Variants in VSTM5 observed in about 807,000 individuals in gnomAD.
VSTM5 encodes V-set and transmembrane domain-containing protein 5.
VSTM5 carries 21 observed loss-of-function variants against 20.3 expected under a neutral mutation model. That is an observed-to-expected ratio of 1.03 (90% CI 0.73 to 1.49). The LOEUF (loss-of-function observed/expected upper bound fraction) is 1.49. VSTM5 is among the 40% of genes most tolerant of loss of function. The pLI, the probability that VSTM5 is intolerant of heterozygous loss-of-function variation, is 0.00. For missense variants in VSTM5, 219 were observed against 250.0 expected, an observed-to-expected ratio of 0.88 and a Z score of 0.84; for synonymous variants, 100 against 102.5, an observed-to-expected ratio of 0.98 and a Z score of 0.14.
rs1210192622 is a variant in VSTM5 at position 93,850,476 on chromosome 11, C to T, written c.27G>A (p.Arg9=). Reference sequence around the variant, plus strand: ...GTCCTAGGGAGATGCCTCGGGTCTTCCTCCTCCCGCTGGGCAGAGGCCTCA... The same window carrying T: ...GTCCTAGGGAGATGCCTCGGGTCTTTCTCCTCCCGCTGGGCAGAGGCCTCA... MRPLPSGR[R]KTRGISLGLF... is the part of the protein sequence containing the mutation. Residue 9 remains arginine, a synonymous_variant, in exon 1 of 4, where the codon AGG becomes AGA. Coordinates refer to ENST00000409977, the MANE Select transcript of VSTM5 (RefSeq NM_001144871.2). 3 of 1,549,826 alleles carry T rather than the reference C, an allele frequency of 1.9e-6. No homozygotes were observed. Among genetic ancestry groups the T allele is most frequent in the South Asian group, 1.2e-5 (1 of 83,942 alleles).
In VSTM5 at chr11:93,841,572, C is replaced by G. The variant is rs75517454; in HGVS notation, c.91+8840G>C. 3.3e-3 allele frequency among the ~76,000 whole-genome samples: 499 copies of G among 152,346 alleles called. 13 individuals are homozygous for G. In the East Asian group the frequency reaches 0.065, roughly 20 times the overall value. On this transcript the variant is annotated intron_variant, in intron 1 of 3. Coordinates refer to ENST00000409977, the MANE Select transcript of VSTM5 (RefSeq NM_001144871.2). ...ACTGAACCAGATTGCAGGGCCCGGT[C>G]TCCAGTTTCTCATTCAGTAGGGTGA...
chr11:93,845,562 C>T (rs1591404254), intron 1 of VSTM5, among the ~76,000 whole-genome samples: 3 of 152,134 alleles, frequency 2.0e-5, no homozygotes, highest in African/African-American at 7.2e-5. Context: ...CAACTTGAAA[C>T]TTGTCAATCC....
intron 1 of VSTM5, among the ~76,000 whole-genome samples, chr11:93,825,986 C>T (rs1177342209): frequency 6.6e-6 from 1 of 151,476 alleles, no homozygotes; most frequent in African/African-American, 2.4e-5. Context: ...TCTGTAATCC[C>T]AGCACTTCGA....
intron 1 of VSTM5, among the ~76,000 whole-genome samples, chr11:93,831,063 T>C (rs1353006319): frequency 6.6e-6 from 1 of 151,916 alleles, no homozygotes; most frequent in Non-Finnish European, 1.5e-5. Flanking sequence ...CTGGTAGTTT[T>C]TTGTTTTTTG....
At chr11:93,842,925 A>C (rs1198234849) in intron 1 of VSTM5, among the ~76,000 whole-genome samples, 1 of 152,034 alleles carries the variant, frequency 6.6e-6, no homozygotes, top group Non-Finnish European at 1.5e-5. Context: ...AACATGGTGA[A>C]ACCAAAAATA....
At chr11:93,843,427 G>A (rs1025539292) in intron 1 of VSTM5, among the ~76,000 whole-genome samples, 2 of 152,116 alleles carry the variant, frequency 1.3e-5, no homozygotes, top group Non-Finnish European at 2.9e-5. Flanking sequence ...GCCTAGCACA[G>A]TGCCTGGCAC....
Position 93,819,285 on chromosome 11 carries a change from T to G in VSTM5, c.*1284A>C, listed in dbSNP as rs553847020. ...TCTGTAGCTATGAATATTGGAGAGA[T>G]AAGAGAATGGAAAATAAATCCATGC... On this transcript the variant is annotated 3_prime_UTR_variant, in exon 4 of 4. Transcript: ENST00000409977. 15 of 152,148 alleles carry G rather than the reference T, an allele frequency of 9.9e-5. No individual in the cohort carries two copies. The highest frequency in any genetic ancestry group is 5.2e-4 in the Admixed American group (8 of 15,276). The allele number at this position is 152,148 out of a possible 1,614,324, so 9.4% of individuals were successfully genotyped here.
rs184052293 is a variant in VSTM5 at position 93,819,908 on chromosome 11, C to T, written c.*661G>A. ...TTTTCTCTATTCCTTGTATCCAAAG[C>T]TGGCCTCTCAGGAGTCCATTGAGCT... On this transcript the variant is annotated 3_prime_UTR_variant, in exon 4 of 4. Transcript: ENST00000409977. 6.6e-6 allele frequency: 1 copy of T among 152,492 alleles called. No individual in the cohort carries two copies. The highest frequency in any genetic ancestry group is 1.9e-4 in the East Asian group (1 of 5,190). 9.4% of individuals were successfully genotyped at this position (152,492 alleles called of 1,614,324 possible).
rs1555038042 is a variant in VSTM5 at position 93,837,011 on chromosome 11, G to GCGCA, written c.91+13400_91+13401insTGCG. On this transcript the variant is annotated intron_variant, in intron 1 of 3. Transcript: ENST00000409977. ...CTTCTTTTTGCCTGAAAAAAAAAAT[G>GCGCA]CACACACACACACACACACACACAC... Among the ~76,000 whole-genome samples, 826 of 140,834 alleles carry GCGCA rather than the reference G, an allele frequency of 5.9e-3. 6 individuals carry two copies. The highest frequency in any genetic ancestry group is 0.014 in the Middle Eastern group (4 of 284). The allele number at this position is 140,834 out of a possible 152,430, so 92.4% of individuals were successfully genotyped here. A position where few individuals can be genotyped will look rare whatever the true frequency, so the allele number is the denominator to read the frequency against.
At chr11:93,837,105 C>G (rs1944329616) in intron 1 of VSTM5, among the ~76,000 whole-genome samples, 1 of 151,828 alleles carries the variant, frequency 6.6e-6, no homozygotes, top group Admixed American at 6.6e-5. Context: ...GATCTTGGCT[C>G]ACTGCAACCT....
At chr11:93,820,927 T>C (rs1275883857) in intron 2 of VSTM5, 44 bp from the exon 3 acceptor site, 1 of 1,550,854 alleles carries the variant, frequency 6.4e-7, no homozygotes, top group Non-Finnish European at 8.7e-7. Flanking sequence ...ACATTTCTTT[T>C]AATATCGTGA....
rs988375068 is a variant in VSTM5 at position 93,832,927 on chromosome 11, A to G, written c.92-11604T>C. On this transcript the variant is annotated intron_variant, in intron 1 of 3. Transcript: ENST00000409977. ...GTTTTACATTTCTTTAATGTTTCCC[A>G]GAATAGCACATGGCTCAGTGCTGGC... 4.2e-4 allele frequency among the ~76,000 whole-genome samples: 64 copies of G among 152,208 alleles called. 1 individual carries two copies. Among genetic ancestry groups the G allele is most frequent in the African/African-American group, 1.5e-3 (61 of 41,450 alleles).
intron 1 of VSTM5, among the ~76,000 whole-genome samples, chr11:93,837,078 C>G (rs1432662756): frequency 6.6e-6 from 1 of 151,854 alleles, no homozygotes; most frequent in Non-Finnish European, 1.5e-5. Context: ...GTTGCCCAGG[C>G]TGGAGTGTAG....
chr11:93,822,814 T>C (rs1432720401), intron 1 of VSTM5, among the ~76,000 whole-genome samples: 1 of 152,208 alleles, frequency 6.6e-6, no homozygotes, highest in Non-Finnish European at 1.5e-5. Flanking sequence ...TGGCTATCTA[T>C]CAATCACGTA....
chr11:93,821,637 C>G, intron 1 of VSTM5: 1 of 337,372 alleles, frequency 3.0e-6, no homozygotes, highest in Non-Finnish European at 5.5e-6. Flanking sequence ...TATGGGGAGC[C>G]CTTCTGATGC....
In VSTM5 at chr11:93,820,819, T is replaced by C. The variant is rs1264493887; in HGVS notation, c.483A>G (p.Ala161=). Residue 161 remains alanine, a synonymous_variant, in exon 3 of 4, where the codon GCA becomes GCG. Transcript: ENST00000409977. ...AAACCCACATGAGGCTGATTAATAC[T>C]GCGGCCACAGCAGCGAGAAAAGCAA... ...VILAFLAAVA[A]VLISLMWVCN... 1 of 1,550,952 alleles carries C rather than the reference T, an allele frequency of 6.4e-7. No homozygotes were observed.
At chr11:93,823,959 G>C (rs914233075) in intron 1 of VSTM5, among the ~76,000 whole-genome samples, 1 of 151,596 alleles carries the variant, frequency 6.6e-6, no homozygotes, top group African/African-American at 2.4e-5. Flanking sequence ...CCAGGCTGGA[G>C]TGCAGTGGCG....
At chr11:93,828,356 A>G (rs1197480497) in intron 1 of VSTM5, among the ~76,000 whole-genome samples, 1 of 152,226 alleles carries the variant, frequency 6.6e-6, no homozygotes, top group African/African-American at 2.4e-5. Flanking sequence ...AAGAGGAAAT[A>G]GTAAAAGTAC....
chr11:93,829,541 A>AAAAAGAAT (rs1186374654), intron 1 of VSTM5, among the ~76,000 whole-genome samples: 1 of 152,206 alleles, frequency 6.6e-6, no homozygotes, highest in African/African-American at 2.4e-5. Context: ...GAAAAAAGAA[A>AAAAAGAAT]AAAAGAAATA....
Sources: allele counts gnomAD v4.1 joint callset (sites outside exome capture counted in the v4.1 genomes callset), GRCh38; gene constraint gnomAD v4.1.1; transcripts MANE v1.5; gene names NCBI Gene and HGNC (gene_info 2026-07-23, HGNC 2026-07-21).